PCDHGA3: variants seen among roughly 807,000 people sequenced by gnomAD.
PCDHGA3 encodes the protein protocadherin gamma-A3.
A neutral mutation model predicts 58.5 loss-of-function variants in PCDHGA3; 40 were observed. The observed-to-expected ratio is 0.68, with a 90% CI of 0.53 to 0.89. The LOEUF (loss-of-function observed/expected upper bound fraction) is 0.89. Ranked by LOEUF, PCDHGA3 falls within the 40% of genes least tolerant of loss-of-function variation. PCDHGA3 has a pLI of 0.00. For synonymous variants in PCDHGA3, 530 were observed against 525.7 expected (o/e 1.01, Z -0.11); for missense variants, 1,223 against 1,195.9 (o/e 1.02, Z -0.33).
intron 1 of PCDHGA3, chr5:141,423,852 GT>G (rs971165220): frequency 2.5e-5 from 32 of 1,279,282 alleles, no homozygotes; most frequent in Non-Finnish European, 3.0e-5. Context: ...CTTTCAGAAC[GT>G]TTTTGTGAAA....
intron 1 of PCDHGA3, chr5:141,385,207 T>G: frequency 6.2e-7 from 1 of 1,614,226 alleles, no homozygotes; most frequent in Non-Finnish European, 8.5e-7. Flanking sequence ...TCACCTGATC[T>G]TCCCCCAGCC....
chr5:141,427,896 C>G, intron 1 of PCDHGA3: 1 of 1,570,508 alleles, frequency 6.4e-7, no homozygotes, highest in East Asian at 2.2e-5. Context: ...CCAGGGCTCG[C>G]CCGCGCTCAG....
intron 1 of PCDHGA3, among the ~76,000 whole-genome samples, chr5:141,438,674 A>C (rs894070572): frequency 1.9e-4 from 25 of 134,850 alleles, no homozygotes; most frequent in Non-Finnish European, 3.1e-4. Context: ...ATATATTTGG[A>C]GTAGGGGATG....
rs2092610841 is a variant in PCDHGA3 at position 141,392,842 on chromosome 5, G to C, written c.2424+46385G>C. 6.2e-7 allele frequency: 1 copy of C among 1,609,194 alleles called. No homozygotes were observed. The highest frequency in any genetic ancestry group is 8.5e-7 in the Non-Finnish European group (1 of 1,177,812). On this transcript the variant is annotated intron_variant, in intron 1 of 3. Transcript: ENST00000253812. ...GCCGCTCCACAGAGTCGCCCCAGACGCGGCGAGCTGATCCTGCTGTGCGCG... is the reference window on the plus strand; with the variant it reads ...GCCGCTCCACAGAGTCGCCCCAGACCCGGCGAGCTGATCCTGCTGTGCGCG...
intron 1 of PCDHGA3, chr5:141,423,202 G>T: frequency 6.2e-7 from 1 of 1,613,618 alleles, no homozygotes; most frequent in Non-Finnish European, 8.5e-7. Flanking sequence ...CTCGGCCACC[G>T]TCACGCTCAC....
rs909174523 is a variant in PCDHGA3 at position 141,474,102 on chromosome 5, A to AAAC, written c.2425-20695_2425-20693dup. 2.6e-5 allele frequency among the ~76,000 whole-genome samples: 4 copies of AAAC among 152,286 alleles called. No homozygotes were observed. In the East Asian group the frequency reaches 7.7e-4, roughly 29 times the overall value. ...AAAACCAAAAAACAAACAACAACAA[A>AAAC]AACAACAACAACGAAAATCTCAGAA... is the stretch of plus-strand genomic sequence containing the variant. On this transcript the variant is annotated intron_variant, in intron 1 of 3. Coordinates refer to ENST00000253812, the MANE Select transcript of PCDHGA3 (RefSeq NM_018916.4).
chr5:141,478,302 C>T lies in PCDHGA3; in HGVS notation c.2425-16505C>T. On this transcript the variant is annotated intron_variant, in intron 1 of 3. Transcript: ENST00000253812. ...AAGCAGTCTAGAGACCTATACCGAG[C>T]CCCGGTGAGCTCACTGTACCGAACA... 4 of 1,614,070 alleles carry T rather than the reference C, an allele frequency of 2.5e-6. No individual in the cohort carries two copies. Among genetic ancestry groups the T allele is most frequent in the Non-Finnish European group, 3.4e-6 (4 of 1,180,038 alleles).
chr5:141,385,160 C>T lies in PCDHGA3; in HGVS notation c.2424+38703C>T, dbSNP rs765072883. 6.2e-6 allele frequency: 10 copies of T among 1,614,096 alleles called. No individual in the cohort carries two copies. The East Asian group carries it at 2.0e-4, about 32-fold the overall frequency. On this transcript the variant is annotated intron_variant, in intron 1 of 3. Coordinates refer to ENST00000253812, the MANE Select transcript of PCDHGA3 (RefSeq NM_018916.4). ...GTGCAGGCTTTCCTGCAGACCTATT[C>T]CCATGAGGTCTCCCTCACCGCGGAC...
chr5:141,345,500 T>C lies in PCDHGA3; in HGVS notation c.1467T>C (p.Tyr489=), dbSNP rs1481044157. 1.2e-6 allele frequency: 2 copies of C among 1,614,162 alleles called. No individual in the cohort carries two copies. The highest frequency in any genetic ancestry group is 1.7e-5 in the Admixed American group (1 of 60,020). ...PDSNNNARIT[Y]ALTEDTLQGA... Reference sequence around the variant, plus strand: ...GCAACAACAACGCCCGCATCACTTATGCATTGACCGAGGACACTCTCCAGG... The same window carrying C: ...GCAACAACAACGCCCGCATCACTTACGCATTGACCGAGGACACTCTCCAGG... The change falls in exon 1 of 4, where the codon TAT becomes TAC. Residue 489 remains tyrosine (Y), a synonymous_variant. Transcript: ENST00000253812.
chr5:141,487,616 G>A lies in PCDHGA3; in HGVS notation c.2425-7191G>A. On this transcript the variant is annotated intron_variant, in intron 1 of 3. Transcript: ENST00000253812. This position sits in a 1 kb window ranked among gnomAD's most constrained non-coding sequence, Gnocchi z 5.0. ...CTCTGATCTTCTCTATGGGCTAGAG[G>A]TGAGACCTTTGCAGGCTCAACAAAT... 2 of 1,614,220 alleles carry A rather than the reference G, an allele frequency of 1.2e-6. No homozygotes were observed. The highest frequency in any genetic ancestry group is 1.7e-6 in the Non-Finnish European group (2 of 1,180,044).
intron 1 of PCDHGA3, chr5:141,390,882 G>C (rs892294372): frequency 6.5e-6 from 1 of 152,824 alleles, no homozygotes; most frequent in Admixed American, 6.5e-5. Flanking sequence ...GTGTGTGTGT[G>C]TGTGTGAGAG....
At chr5:141,356,094 T>C (rs1196881298) in intron 1 of PCDHGA3, 1 of 1,613,784 alleles carries the variant, frequency 6.2e-7, no homozygotes, top group South Asian at 1.1e-5. Flanking sequence ...ATTCTCTGAG[T>C]GGGGATATAA....
chr5:141,485,511 C>G lies in PCDHGA3; in HGVS notation c.2425-9296C>G, dbSNP rs1168331122. The G allele has an allele frequency of 1.2e-6, 2 of 1,614,042 alleles. No individual in the cohort carries two copies. Among genetic ancestry groups the G allele is most frequent in the Non-Finnish European group, 1.7e-6 (2 of 1,180,038 alleles). On this transcript the variant is annotated intron_variant, in intron 1 of 3. Transcript: ENST00000253812. The surrounding 1 kb of genome is among the most constrained non-coding windows in gnomAD (Gnocchi z 5.7). Reference sequence around the variant, plus strand: ...CCCCTGGAGTTTGTCACCGAAGGTCCTTTGGAAATGTACCGAGCAGAGGTA... The same window carrying G: ...CCCCTGGAGTTTGTCACCGAAGGTCGTTTGGAAATGTACCGAGCAGAGGTA...
intron 2 of PCDHGA3, among the ~76,000 whole-genome samples, chr5:141,503,985 T>C (rs1277024188): frequency 6.6e-6 from 1 of 152,150 alleles, no homozygotes; most frequent in African/African-American, 2.4e-5. Flanking sequence ...ACCCTTCTTC[T>C]TACCTTACAG....
intron 1 of PCDHGA3, chr5:141,394,095 G>A: frequency 6.2e-7 from 1 of 1,613,848 alleles, no homozygotes; most frequent in Non-Finnish European, 8.5e-7. Context: ...CTCAGATCTA[G>A]GAACACCACC....
Position 141,344,166 on chromosome 5 carries a change from G to A in PCDHGA3, c.133G>A (p.Val45Met). ...TGAGGAGCTAGATAAAGGTTCCTTC[G>A]TGGGCAACATCGCTAACGACCTGGG... ...VSEELDKGSF[V>M]GNIANDLGLE... The change falls in exon 1 of 4, where the codon GTG (valine) becomes ATG (methionine). Residue 45 changes from valine to methionine, a missense_variant. Coordinates refer to ENST00000253812, the MANE Select transcript of PCDHGA3 (RefSeq NM_018916.4). The A allele has an allele frequency of 6.2e-7, 1 of 1,614,022 alleles. No individual in the cohort carries two copies. Among genetic ancestry groups the A allele is most frequent in the Non-Finnish European group, 8.5e-7 (1 of 1,179,900 alleles).
chr5:141,492,005 C>T (rs1444993907), intron 1 of PCDHGA3: 2 of 642,268 alleles, frequency 3.1e-6, no homozygotes, highest in Admixed American at 7.4e-5. Flanking sequence ...GGGCGATTTC[C>T]GCGGGTGTCG....
intron 1 of PCDHGA3, chr5:141,413,712 T>A (rs1405825615): frequency 9.9e-6 from 16 of 1,613,454 alleles, no homozygotes; most frequent in Middle Eastern, 3.3e-4. Context: ...TCAGCCCCAA[T>A]AAGCACTTCT....
In PCDHGA3 at chr5:141,395,432, G is replaced by A. The variant is rs963118371; in HGVS notation, c.2424+48975G>A. ...GTTATTGTTTCATTTGCTTTTAAAC[G>A]ACTTGGAAAAGATTGTTCAACCATT... On this transcript the variant is annotated intron_variant, in intron 1 of 3. Coordinates refer to ENST00000253812, the MANE Select transcript of PCDHGA3 (RefSeq NM_018916.4). The A allele has an allele frequency of 8.6e-6, 6 of 701,470 alleles. No homozygotes were observed. In the African/African-American group the frequency reaches 9.1e-5, roughly 11 times the overall value. The allele number at this position is 701,470 out of a possible 1,614,324, so 43.5% of individuals were successfully genotyped here. A position where few individuals can be genotyped will look rare whatever the true frequency, so the allele number is the denominator to read the frequency against.
Sources: allele counts gnomAD v4.1 joint callset (sites outside exome capture counted in the v4.1 genomes callset), GRCh38; gene constraint gnomAD v4.1.1; non-coding constraint Gnocchi (gnomAD v3.1); transcripts MANE v1.5; gene names NCBI Gene and HGNC (gene_info 2026-07-23, HGNC 2026-07-21).